Variants in TRIM36 observed in about 807,000 individuals in gnomAD.
The protein encoded by TRIM36 is tripartite motif containing 36, also known as E3 ubiquitin-protein ligase TRIM36.
TRIM36 carries 42 observed loss-of-function variants against 72.4 expected under a neutral mutation model. The ratio of observed to expected loss-of-function variants is 0.58; its 90% CI spans 0.45 to 0.75. TRIM36 has a LOEUF of 0.75. TRIM36 is among the 30% of genes least tolerant of loss of function. The pLI is 0.00. For missense variants in TRIM36, 913 were observed against 857.1 expected, an observed-to-expected ratio of 1.07 and a Z score of -0.81; for synonymous variants, 315 against 282.8, an observed-to-expected ratio of 1.11 and a Z score of -1.14.
intron 4 of TRIM36, among the ~76,000 whole-genome samples, chr5:115,142,168 A>G (rs1387775921): frequency 6.6e-6 from 1 of 152,194 alleles, no homozygotes; most frequent in Non-Finnish European, 1.5e-5. Flanking sequence ...TTAAAGGCCA[A>G]TCTGAGCATT....
At chr5:115,167,451 A>C (rs1754846075) in intron 1 of TRIM36, among the ~76,000 whole-genome samples, 1 of 152,218 alleles carries the variant, frequency 6.6e-6, no homozygotes, top group South Asian at 2.1e-4. Flanking sequence ...TAAGGCTGCA[A>C]ATTTTCCAAA....
chr5:115,179,705 G>C (rs1335431561), intron 1 of TRIM36, among the ~76,000 whole-genome samples: 3 of 152,240 alleles, frequency 2.0e-5, no homozygotes, highest in African/African-American at 7.2e-5. Context: ...CTCGCCCTTC[G>C]GCGTCCGAGA....
intron 7 of TRIM36, among the ~76,000 whole-genome samples, chr5:115,135,479 T>TA (rs11409468): frequency 0.32 from 45,266 of 143,204 alleles, 6,907 homozygotes; most frequent in Middle Eastern, 0.33. Flanking sequence ...CATAGCTTAC[T>TA]AAAAAAAAAA....
At chr5:115,165,921 G>T (rs1162415893) in intron 1 of TRIM36, among the ~76,000 whole-genome samples, 1 of 152,152 alleles carries the variant, frequency 6.6e-6, no homozygotes, top group African/African-American at 2.4e-5. Context: ...GACATGACCT[G>T]GCCAGGTGTG....
intron 1 of TRIM36, chr5:115,177,689 G>A: frequency 6.2e-7 from 1 of 1,612,396 alleles, no homozygotes; most frequent in East Asian, 2.2e-5. Flanking sequence ...GAAATGGTTA[G>A]GAGCCTACTC....
intron 1 of TRIM36, among the ~76,000 whole-genome samples, chr5:115,165,233 G>A (rs1046616282): frequency 2.6e-4 from 39 of 152,184 alleles, no homozygotes; most frequent in African/African-American, 8.7e-4. Context: ...GGAGGACCAT[G>A]GTCCTCTTCT....
rs1172937055 is a variant in TRIM36, at chr5:115,167,011, G to T, written c.27+2597C>A. Among the ~76,000 whole-genome samples, 5 of 152,222 alleles carry T rather than the reference G, an allele frequency of 3.3e-5. No homozygotes were observed. The East Asian group carries it at 7.7e-4, about 23-fold the overall frequency. On this transcript the variant is annotated intron_variant, in intron 1 of 9. Transcript: ENST00000513154. ...CTGCTCTGCACCTGGCTTGCCGTTG[G>T]CAGCCGTGGGATCTGGGCCAGTAGT...
chr5:115,162,232 C>T (rs759435404), intron 2 of TRIM36, among the ~76,000 whole-genome samples: 2 of 152,168 alleles, frequency 1.3e-5, no homozygotes, highest in African/African-American at 2.4e-5. Flanking sequence ...AATCTAACTT[C>T]GTAGGGTTCT....
chr5:115,160,372 A>T (rs1298761025), intron 2 of TRIM36, among the ~76,000 whole-genome samples: 1 of 152,226 alleles, frequency 6.6e-6, no homozygotes, highest in Non-Finnish European at 1.5e-5. Context: ...TTCAAAATAT[A>T]AACAATATAA....
chr5:115,173,097 G>A (rs866515688), upstream of TRIM36, among the ~76,000 whole-genome samples: 20 of 152,160 alleles, frequency 1.3e-4, no homozygotes, highest in African/African-American at 4.6e-4. Context: ...TCCCTGGGCT[G>A]CCGTGCTTTG....
intron 7 of TRIM36, among the ~76,000 whole-genome samples, chr5:115,135,998 G>C (rs1162031964): frequency 6.6e-6 from 1 of 151,972 alleles, no homozygotes; most frequent in Non-Finnish European, 1.5e-5. Context: ...CTTAGGGAGA[G>C]GAATGAGGTG....
intron 3 of TRIM36, among the ~76,000 whole-genome samples, chr5:115,146,598 C>T (rs1310245241): frequency 2.0e-5 from 3 of 152,118 alleles, no homozygotes; most frequent in African/African-American, 7.2e-5. Flanking sequence ...TAACATATAA[C>T]CATTATATCA....
At chr5:115,161,871 T>C (rs1235912587) in intron 2 of TRIM36, among the ~76,000 whole-genome samples, 1 of 152,244 alleles carries the variant, frequency 6.6e-6, no homozygotes, top group Non-Finnish European at 1.5e-5. Flanking sequence ...ATATTTATTA[T>C]GCCTGGGGCT....
intron 3 of TRIM36, among the ~76,000 whole-genome samples, chr5:115,145,003 A>G (rs1410827527): frequency 6.6e-6 from 1 of 152,178 alleles, no homozygotes; most frequent in Admixed American, 6.5e-5. Context: ...TGATCTCGTC[A>G]TAATATATAG....
At chr5:115,135,539 G>GTGATACT (rs1456421170) in intron 7 of TRIM36, among the ~76,000 whole-genome samples, 1 of 151,480 alleles carries the variant, frequency 6.6e-6, no homozygotes, top group Non-Finnish European at 1.5e-5. Flanking sequence ...CAGAAGCTAG[G>GTGATACT]TGACTACTAT....
chr5:115,153,080 A>G (rs1011343405), intron 2 of TRIM36, among the ~76,000 whole-genome samples: 2 of 152,234 alleles, frequency 1.3e-5, no homozygotes, highest in African/African-American at 4.8e-5. Context: ...CACTTAAAAA[A>G]AGACAAAGAA....
At position 115,163,589 on chromosome 5, in the gene TRIM36, G is replaced by C. The variant is rs1283953561; in HGVS notation, c.191C>G (p.Ser64Cys). 3 of 1,614,044 alleles carry C rather than the reference G, an allele frequency of 1.9e-6. No homozygotes were observed. Among genetic ancestry groups the C allele is most frequent in the African/African-American group, 1.3e-5 (1 of 74,886 alleles). Residue 64 changes from serine to cysteine, a missense_variant, in exon 2 of 10, where the codon TCC becomes TGC. Transcript: ENST00000513154. ...DSFNDVGSDN[S>C]NQSSPRLRLP... Reference sequence around the variant, plus strand: ...CCGAAGTCGAGGACTGCTTTGATTGGAGTTGTCTGATCCCACATCGTTGAA... The same window carrying C: ...CCGAAGTCGAGGACTGCTTTGATTGCAGTTGTCTGATCCCACATCGTTGAA...
chr5:115,180,118 G>C (rs1269565865), exon 1 of TRIM36: 2 of 1,452,610 alleles, frequency 1.4e-6, no homozygotes, highest in East Asian at 2.4e-5. Flanking sequence ...TCTGTTTTTA[G>C]TCTGAGTTTT....
At position 115,146,230 on chromosome 5, in the gene TRIM36, T is replaced by C. The variant is rs1753585707; in HGVS notation, c.588+839A>G. Among the ~76,000 whole-genome samples the C allele has an allele frequency of 2.0e-5, 3 of 152,224 alleles. No individual in the cohort carries two copies. The South Asian group carries it at 6.2e-4, about 32-fold the overall frequency. ...TGTGATAGCACAGATTGTTTTTGCC[T>C]TAATCTACCAATCCTTTACTATTTA... On this transcript the variant is annotated intron_variant, in intron 3 of 9. Transcript: ENST00000513154.
Sources: gnomAD v4.1 joint callset for allele counts (sites outside exome capture counted in the v4.1 genomes callset) on GRCh38, gnomAD v4.1.1 for gene constraint, MANE v1.5 for transcripts, NCBI Gene and HGNC (gene_info 2026-07-23, HGNC 2026-07-21) for gene names.